EFHD2: variants seen among roughly 807,000 people sequenced by gnomAD.
The protein encoded by EFHD2 is EF-hand domain-containing protein D2.
EFHD2 carries 12 observed loss-of-function variants against 20.3 expected under a neutral mutation model. The ratio of observed to expected loss-of-function variants is 0.59; its 90% CI spans 0.38 to 0.96. EFHD2 has a LOEUF of 0.96. Ranked by LOEUF, EFHD2 falls within the 40% of genes least tolerant of loss-of-function variation. The probability of loss-of-function intolerance (pLI) is 0.00; values close to 1 mark genes in which losing one functional copy is unlikely to be tolerated. For missense variants in EFHD2, 250 were observed against 334.3 expected (o/e 0.75, Z 1.97); for synonymous variants, 131 against 143.9 (o/e 0.91, Z 0.64).
intron 1 of EFHD2, among the ~76,000 whole-genome samples, chr1:15,414,413 C>G (rs1455524644): frequency 1.3e-5 from 2 of 152,270 alleles, no homozygotes; most frequent in Non-Finnish European, 2.9e-5. Context: ...CAGCTGTGGG[C>G]TGTGGAGCCC....
intron 1 of EFHD2, among the ~76,000 whole-genome samples, chr1:15,414,824 A>G (rs1216655419): frequency 1.3e-5 from 2 of 152,170 alleles, no homozygotes; most frequent in Non-Finnish European, 2.9e-5. Context: ...AAATGAATTC[A>G]TTATCACCTA....
In EFHD2 at chr1:15,419,200, G is replaced by A. The variant is rs190141940; in HGVS notation, c.309-6671G>A. On this transcript the variant is annotated intron_variant, in intron 1 of 3. Coordinates refer to ENST00000375980, the MANE Select transcript of EFHD2 (RefSeq NM_024329.6). ...ATGCTCACCCCAAAGGGAAAGGGTC[G>A]TCCTTGGGGGGTAACTGGCTGCTCC... 3.6e-3 allele frequency among the ~76,000 whole-genome samples: 541 copies of A among 152,306 alleles called. 7 individuals carry two copies. The highest frequency in any genetic ancestry group is 0.011 in the African/African-American group (466 of 41,568).
At chr1:15,412,682 G>C (rs1427904049) in intron 1 of EFHD2, among the ~76,000 whole-genome samples, 1 of 152,192 alleles carries the variant, frequency 6.6e-6, no homozygotes, top group African/African-American at 2.4e-5. Context: ...CAAAGATGGA[G>C]CTGTTCTGGG....
rs1471765472 is a variant in EFHD2, at chr1:15,413,067, G to A, written c.308+2788G>A. On this transcript the variant is annotated intron_variant, in intron 1 of 3. Coordinates refer to ENST00000375980, the MANE Select transcript of EFHD2 (RefSeq NM_024329.6). The surrounding 1 kb of genome is among the most constrained non-coding windows in gnomAD (Gnocchi z 4.4). ...TGTGCCAACCGAGCCCAACCCCGCC[G>A]CCAACAGACGGGCTCTCGTGGAAGA... 1.3e-5 allele frequency among the ~76,000 whole-genome samples: 2 copies of A among 152,172 alleles called. No homozygotes were observed. The highest frequency in any genetic ancestry group is 4.8e-5 in the African/African-American group (2 of 41,458).
chr1:15,416,407 T>C (rs1707671324), intron 1 of EFHD2, among the ~76,000 whole-genome samples: 3 of 152,222 alleles, frequency 2.0e-5, no homozygotes, highest in Admixed American at 2.0e-4. Flanking sequence ...TTCCCCTGAC[T>C]GCCGGGCAAC....
At chr1:15,425,749 A>G in intron 1 of EFHD2, 122 bp from the exon 2 acceptor site, 1 of 1,401,912 alleles carries the variant, frequency 7.1e-7, no homozygotes, top group Non-Finnish European at 9.6e-7. Context: ...GTCCCTTCCA[A>G]CAGTGACGGG....
intron 1 of EFHD2, among the ~76,000 whole-genome samples, chr1:15,420,466 C>T (rs535209244): frequency 1.3e-5 from 2 of 152,294 alleles, no homozygotes; most frequent in African/African-American, 4.8e-5. Context: ...CACAGCCTCC[C>T]TAGTAGCTGG....
intron 1 of EFHD2, among the ~76,000 whole-genome samples, chr1:15,421,220 C>T (rs1254061044): frequency 1.3e-5 from 2 of 152,138 alleles, no homozygotes; most frequent in Non-Finnish European, 2.9e-5. Context: ...TCAGTCTCAG[C>T]GGAGTTGATG....
Position 15,426,582 on chromosome 1 carries a change from A to G in EFHD2, c.456+564A>G, listed in dbSNP as rs1707874895. Among the ~76,000 whole-genome samples, 1 of 152,162 alleles carries G rather than the reference A, an allele frequency of 6.6e-6. No homozygotes were observed. Among genetic ancestry groups the G allele is most frequent in the Non-Finnish European group, 1.5e-5 (1 of 68,024 alleles). ...GTTAGGTGTGGGGACTCGAGGCCCA[A>G]CTGGGGCCCAGGAGGTCTGGCAGGA... On this transcript the variant is annotated intron_variant, in intron 2 of 3. Coordinates refer to ENST00000375980, the MANE Select transcript of EFHD2 (RefSeq NM_024329.6). This position sits in a 1 kb window ranked among gnomAD's most constrained non-coding sequence, Gnocchi z 4.6.
Position 15,428,603 on chromosome 1 carries a change from T to C in EFHD2, c.602T>C (p.Ile201Thr). 1.2e-6 allele frequency: 2 copies of C among 1,610,756 alleles called. No individual in the cohort carries two copies. The highest frequency in any genetic ancestry group is 1.7e-6 in the Non-Finnish European group (2 of 1,178,900). Residue 201 changes from isoleucine (I) to threonine (T), a missense_variant, in exon 4 of 4, where the codon ATC becomes ACC. Physicochemically the swap from Ile to Thr is moderately conservative, Grantham distance 89 (BLOSUM62 -1). Coordinates refer to ENST00000375980, the MANE Select transcript of EFHD2 (RefSeq NM_024329.6). ...KSFFEAKVQA[I>T]NVSSRFEEEI... is the part of the protein sequence containing the mutation. ...CCCATGCCCCCGCAGGTCCAGGCCA[T>C]CAACGTGTCCAGCCGCTTCGAGGAG... is the stretch of plus-strand genomic sequence containing the variant.
intron 1 of EFHD2, among the ~76,000 whole-genome samples, chr1:15,424,793 G>A (rs972692518): frequency 3.9e-5 from 6 of 152,146 alleles, no homozygotes; most frequent in Non-Finnish European, 7.3e-5. Context: ...AGTACCTAGG[G>A]CAAGCTGGGG....
chr1:15,424,555 TCCCCACCA>T (rs1455232088), intron 1 of EFHD2, among the ~76,000 whole-genome samples: 2 of 151,678 alleles, frequency 1.3e-5, no homozygotes, highest in Non-Finnish European at 2.9e-5. Context: ...GTTCCCGGCT[TCCCCACCA>T]CCCCGCCAAT....
intron 1 of EFHD2, among the ~76,000 whole-genome samples, chr1:15,421,505 G>A (rs575879703): frequency 6.6e-6 from 1 of 152,294 alleles, no homozygotes; most frequent in Non-Finnish European, 1.5e-5. Context: ...GCCTGCCCTG[G>A]ATGGAGCCCA....
Position 15,426,133 on chromosome 1 carries a change from C to A in EFHD2, c.456+115C>A. The A allele has an allele frequency of 8.6e-7, 1 of 1,168,342 alleles. No homozygotes were observed. Among genetic ancestry groups the A allele is most frequent in the Non-Finnish European group, 1.2e-6 (1 of 868,766 alleles). The allele number at this position is 1,168,342 out of a possible 1,614,324, so 72.4% of individuals were successfully genotyped here. Reference sequence around the variant, plus strand: ...ATGAATGAATGACATTGCCATTGAACAGCAGCTGTGAGCAGCTGCTGCTTG... The same window carrying A: ...ATGAATGAATGACATTGCCATTGAAAAGCAGCTGTGAGCAGCTGCTGCTTG... On this transcript the variant is annotated intron_variant, in intron 2 of 3. Transcript: ENST00000375980. This position sits in a 1 kb window ranked among gnomAD's most constrained non-coding sequence, Gnocchi z 4.6.
intron 1 of EFHD2, among the ~76,000 whole-genome samples, chr1:15,414,973 C>G (rs923642361): frequency 1.3e-5 from 2 of 152,150 alleles, no homozygotes; most frequent in African/African-American, 4.8e-5. Flanking sequence ...CCTCAGTTTC[C>G]CCTGGGGCTC....
At chr1:15,415,968 G>C (rs1707662621) in intron 1 of EFHD2, among the ~76,000 whole-genome samples, 1 of 152,128 alleles carries the variant, frequency 6.6e-6, no homozygotes, top group Admixed American at 6.5e-5. Flanking sequence ...GAGCCTCCGA[G>C]AGCCTTAGAG....
intron 1 of EFHD2, among the ~76,000 whole-genome samples, chr1:15,424,943 G>T (rs1453928115): frequency 6.6e-6 from 1 of 152,172 alleles, no homozygotes; most frequent in Non-Finnish European, 1.5e-5. Flanking sequence ...TCCTGCTGGG[G>T]ACATTCGACA....
Position 15,427,245 on chromosome 1 carries a change from TGAGGGTGTCAAG to T in EFHD2, c.554_565del (p.Glu185_Lys188del), listed in dbSNP as rs763004292. ...GCCTCTCTGAGATCGACGTCTCCAG[TGAGGGTGTCAAG>T]GGGGCCAAGAGCTTCTTTGAGGCCA... On this transcript the variant is annotated inframe_deletion, in exon 3 of 4. Transcript: ENST00000375980. 1 of 1,608,630 alleles carries T rather than the reference TGAGGGTGTCAAG, an allele frequency of 6.2e-7. No individual in the cohort carries two copies. Among genetic ancestry groups the T allele is most frequent in the Non-Finnish European group, 8.5e-7 (1 of 1,178,064 alleles).
In EFHD2 at chr1:15,428,846, T is replaced by C. The variant is rs1021411460; in HGVS notation, c.*122T>C. ...GACCACTACTAAAAACCTAAAAATA[T>C]CTGTGAATGGAGCAAGTTCAGGGGT... On this transcript the variant is annotated 3_prime_UTR_variant, in exon 4 of 4. Coordinates refer to ENST00000375980, the MANE Select transcript of EFHD2 (RefSeq NM_024329.6). 16 of 1,425,368 alleles carry C rather than the reference T, an allele frequency of 1.1e-5. No homozygotes were observed. Among genetic ancestry groups the C allele is most frequent in the Admixed American group, 2.1e-5 (1 of 46,852 alleles). The allele number at this position is 1,425,368 out of a possible 1,614,324, so 88.3% of individuals were successfully genotyped here.
Sources: gnomAD v4.1 joint callset for allele counts (sites outside exome capture counted in the v4.1 genomes callset) on GRCh38, gnomAD v4.1.1 for gene constraint, Gnocchi (gnomAD v3.1) non-coding constraint, MANE v1.5 for transcripts, NCBI Gene and HGNC (gene_info 2026-07-23, HGNC 2026-07-21) for gene names.